The following DLGAP2 variants were observed in gnomAD, a reference collection of about 807,000 sequenced individuals.
DLGAP2 encodes DLG associated protein 2.
A neutral mutation model predicts 100.3 loss-of-function variants in DLGAP2; 26 were observed. The ratio of observed to expected loss-of-function variants is 0.26; its 90% CI spans 0.19 to 0.36. The LOEUF is 0.36. Among genes scored for constraint, DLGAP2 ranks in the 10% least tolerant of loss-of-function variants. The pLI is 1.00. For missense variants in DLGAP2, 1,858 were observed against 1,453.2 expected (o/e 1.28, Z -4.53); for synonymous variants, 886 against 630.1 (o/e 1.41, Z -6.08).
chr8:1,409,338 C>T (rs1033754713), intron 3 of DLGAP2, among the ~76,000 whole-genome samples: 4 of 151,904 alleles, frequency 2.6e-5, no homozygotes, highest in African/African-American at 7.3e-5. Context: ...GCCTGGCTCC[C>T]CTTGGACCAC....
At chr8:1,157,733 C>T (rs762848944) in intron 2 of DLGAP2, among the ~76,000 whole-genome samples, 9 of 152,300 alleles carry the variant, frequency 5.9e-5, no homozygotes, top group African/African-American at 1.7e-4. Flanking sequence ...GACAAGAGAA[C>T]GTCAGCCACC....
chr8:1,678,300 C>G lies in DLGAP2; in HGVS notation c.2375C>G (p.Thr792Arg), dbSNP rs368030190. The G allele has an allele frequency of 1.2e-6, 2 of 1,613,896 alleles. No individual in the cohort carries two copies. The highest frequency in any genetic ancestry group is 1.3e-5 in the African/African-American group (1 of 74,944). Residue 792 changes from threonine (T) to arginine (R), a missense_variant, in exon 12 of 15, where the codon ACG (threonine) becomes AGG (arginine). Transcript: ENST00000637795. ...ELEGFPGHIT[T>R]EDKGLQFGSS... ...GAGGGGTTCCCAGGCCACATCACCA[C>G]GGAGGACAAAGGCCTTCAGTTCGGC... is the stretch of plus-strand genomic sequence containing the variant.
Position 1,073,787 on chromosome 8 carries a change from C to T in DLGAP2, c.73+165821C>T, listed in dbSNP as rs545172736. On this transcript the variant is annotated intron_variant, in intron 2 of 14. Transcript: ENST00000637795. ...CTGAGAACTGCCGTTCCTTCCCAAACGCTTTATCTTTTCACACGTGGATAT... is the reference window on the plus strand; with the variant it reads ...CTGAGAACTGCCGTTCCTTCCCAAATGCTTTATCTTTTCACACGTGGATAT... Among the ~76,000 whole-genome samples the T allele has an allele frequency of 9.2e-5, 14 of 152,342 alleles. No homozygotes were observed. The South Asian group carries it at 2.3e-3, about 25-fold the overall frequency.
intron 2 of DLGAP2, among the ~76,000 whole-genome samples, chr8:1,158,749 G>A (rs539497564): frequency 5.5e-4 from 84 of 152,330 alleles, no homozygotes; most frequent in South Asian, 2.3e-3. Context: ...TGGTGGCTCC[G>A]AGTCACACAG....
chr8:1,199,542 G>T (rs1031550499), intron 2 of DLGAP2, among the ~76,000 whole-genome samples: 4 of 152,182 alleles, frequency 2.6e-5, no homozygotes, highest in African/African-American at 9.7e-5. Flanking sequence ...ACCTCTTCTA[G>T]GTCAGGAGAC....
At chr8:1,079,500 T>A (rs2123055) in intron 2 of DLGAP2, among the ~76,000 whole-genome samples, 21 of 152,158 alleles carry the variant, frequency 1.4e-4, no homozygotes, top group South Asian at 1.0e-3. Flanking sequence ...AGATGGTATC[T>A]TAAGAGCTCA....
chr8:1,127,275 G>C (rs931254077), intron 2 of DLGAP2, among the ~76,000 whole-genome samples: 1 of 151,842 alleles, frequency 6.6e-6, no homozygotes, highest in African/African-American at 2.4e-5. Flanking sequence ...TCATTGGGGT[G>C]ACTCCAGGTC....
intron 3 of DLGAP2, among the ~76,000 whole-genome samples, chr8:1,310,022 G>A (rs971888468): frequency 6.4e-5 from 9 of 140,102 alleles, no homozygotes; most frequent in Non-Finnish European, 1.0e-4. Flanking sequence ...TTGAACCACT[G>A]TATACCAGCC....
chr8:764,305 A>T (rs886590003), intron 1 of DLGAP2, among the ~76,000 whole-genome samples: 3 of 152,328 alleles, frequency 2.0e-5, no homozygotes, highest in Admixed American at 2.0e-4. Flanking sequence ...TTCCATCTAG[A>T]GAAATTGCTT....
chr8:1,289,490 A>G (rs1490049659), intron 3 of DLGAP2, among the ~76,000 whole-genome samples: 1 of 152,192 alleles, frequency 6.6e-6, no homozygotes, highest in Non-Finnish European at 1.5e-5. Flanking sequence ...GGACAGTATC[A>G]GTAAGACTCA....
At chr8:1,004,202 T>C (rs1247745554) in intron 2 of DLGAP2, among the ~76,000 whole-genome samples, 2 of 152,228 alleles carry the variant, frequency 1.3e-5, no homozygotes, top group Non-Finnish European at 2.9e-5. Context: ...TCTAAGTATA[T>C]GAATGTTGTA....
At position 1,259,076 on chromosome 8, in the gene DLGAP2, C is replaced by T. The variant is rs76325818; in HGVS notation, c.106+193C>T. On this transcript the variant is annotated intron_variant, in intron 3 of 14. Transcript: ENST00000637795. Reference sequence around the variant, plus strand: ...AGGTGAGCGTTAGGACTCAGCAGCTCGTCTCTGAAGAAGAATTGGCTTTAC... The same window carrying T: ...AGGTGAGCGTTAGGACTCAGCAGCTTGTCTCTGAAGAAGAATTGGCTTTAC... Among the ~76,000 whole-genome samples the T allele has an allele frequency of 5.9e-3, 899 of 152,274 alleles. 21 individuals are homozygous for T. In the East Asian group the frequency reaches 0.07, roughly 12 times the overall value.
intron 3 of DLGAP2, among the ~76,000 whole-genome samples, chr8:1,260,135 C>T (rs947184418): frequency 6.6e-5 from 10 of 152,164 alleles, no homozygotes; most frequent in Admixed American, 3.3e-4. Flanking sequence ...GGGAAAGCCA[C>T]AGGTCCTTTC....
intron 2 of DLGAP2, among the ~76,000 whole-genome samples, chr8:1,240,918 A>G (rs747989333): frequency 2.9e-3 from 13 of 4,516 alleles, no homozygotes; most frequent in African/African-American, 2.9e-3. Flanking sequence ...CTCACATGGC[A>G]CTGTGTCTAG....
intron 3 of DLGAP2, among the ~76,000 whole-genome samples, chr8:1,455,143 G>A (rs781666567): frequency 9.2e-5 from 14 of 152,230 alleles, no homozygotes; most frequent in African/African-American, 1.4e-4. Flanking sequence ...CCCTGTGAGC[G>A]GCTGGTCTGA....
chr8:1,635,971 C>G (rs1233772857), intron 8 of DLGAP2, among the ~76,000 whole-genome samples: 2 of 152,204 alleles, frequency 1.3e-5, no homozygotes, highest in South Asian at 4.1e-4. Flanking sequence ...CCAGTAAGAA[C>G]AGAATACCCT....
chr8:1,360,186 C>A (rs1298037509), intron 3 of DLGAP2, among the ~76,000 whole-genome samples: 3 of 142,616 alleles, frequency 2.1e-5, no homozygotes, highest in Non-Finnish European at 4.5e-5. Context: ...CCTGCTGCTT[C>A]CCGGGTGTGC....
chr8:954,106 G>T (rs77374982), intron 2 of DLGAP2, among the ~76,000 whole-genome samples: 17,438 of 152,176 alleles, frequency 0.11, 1,474 homozygotes, highest in Admixed American at 0.25. Flanking sequence ...ACCCCTGAAA[G>T]AGTGTCAGTG....
intron 3 of DLGAP2, among the ~76,000 whole-genome samples, chr8:1,321,344 A>C (rs1800897320): frequency 6.8e-6 from 1 of 146,612 alleles, no homozygotes; most frequent in Non-Finnish European, 1.5e-5. Flanking sequence ...GTGTCTCTGC[A>C]TGTGCTTATG....
Sources: allele counts gnomAD v4.1 joint callset (sites outside exome capture counted in the v4.1 genomes callset), GRCh38; gene constraint gnomAD v4.1.1; transcripts MANE v1.5; gene names NCBI Gene and HGNC (gene_info 2026-07-23, HGNC 2026-07-21).